The following GREB1 variants were observed in gnomAD, a reference collection of about 807,000 sequenced individuals.
The protein encoded by GREB1 is protein GREB1.
In GREB1, 106 loss-of-function variants were observed where a neutral mutation model predicts 200.7. That is an observed-to-expected ratio of 0.53 (90% CI 0.45 to 0.62). GREB1 has a LOEUF of 0.62. Among genes scored for constraint, GREB1 ranks in the 20% least tolerant of loss-of-function variants. The probability of loss-of-function intolerance (pLI) is 0.00; values close to 1 mark genes in which losing one functional copy is unlikely to be tolerated. For missense variants in GREB1, 2,243 were observed against 2,556.8 expected (o/e 0.88, Z 2.65); for synonymous variants, 1,132 against 1,092.4 (o/e 1.04, Z -0.72).
At chr2:11,609,084 G>A (rs558703837) in intron 17 of GREB1, among the ~76,000 whole-genome samples, 1 of 152,126 alleles carries the variant, frequency 6.6e-6, no homozygotes, top group Non-Finnish European at 1.5e-5. Flanking sequence ...GTATTGAAAT[G>A]CAGTTGTTTC....
chr2:11,597,792 G>T lies in GREB1; in HGVS notation c.1966G>T (p.Glu656Ter), dbSNP rs1681404835. Reference protein sequence around the residue: ...GTPVCTSYNLEPHSIRPFQLA... With the variant: ...GTPVCTSYNL ...GGCTCTGGTTCCAGGTTACAATCTG[G>T]AGCCACACAGCATCCGGCCCTTCCA... is the stretch of plus-strand genomic sequence containing the variant. Residue 656 changes from glutamate to a stop codon, truncating the protein, a stop_gained, in exon 14 of 33, where the codon GAG (glutamate) becomes TAG (stop). Coordinates refer to ENST00000381486, the MANE Select transcript of GREB1 (RefSeq NM_014668.4). LOFTEE classifies it high-confidence loss of function. This position sits in a 1 kb window ranked among gnomAD's most constrained non-coding sequence, Gnocchi z 4.1. 1.2e-6 allele frequency: 2 copies of T among 1,614,042 alleles called. No individual in the cohort carries two copies. The highest frequency in any genetic ancestry group is 1.7e-6 in the Non-Finnish European group (2 of 1,180,030).
At chr2:11,630,176 G>A (rs1684772923) in intron 26 of GREB1, 67 bp downstream of exon 26, 1 of 1,503,370 alleles carries the variant, frequency 6.7e-7, no homozygotes, top group African/African-American at 1.4e-5. Flanking sequence ...CCGGGGACTA[G>A]AGACAGAGCT....
rs557134932 is a variant in GREB1, at chr2:11,612,484, G to A, written c.3007-11G>A. On this transcript the variant is annotated splice_polypyrimidine_tract_variant and intron_variant, in intron 18 of 32. Transcript: ENST00000381486. The stretch of plus-strand genomic sequence containing the variant: ...GCGTCTGTGGCTTTATTTCTTTTTC[G>A]TTATCTGCAGATGTGGCAGAAAATT... The A allele has an allele frequency of 1.2e-4, 197 of 1,588,044 alleles. No homozygotes were observed. Among genetic ancestry groups the A allele is most frequent in the South Asian group, 1.0e-3 (93 of 90,476 alleles).
At chr2:11,564,389 G>T (rs1355027725) in intron 3 of GREB1, among the ~76,000 whole-genome samples, 1 of 152,126 alleles carries the variant, frequency 6.6e-6, no homozygotes, top group East Asian at 1.9e-4. Flanking sequence ...GGTAAGAGGT[G>T]AACTCTTCAG....
chr2:11,587,678 A>T (rs1680262989), intron 9 of GREB1: 1 of 1,299,804 alleles, frequency 7.7e-7, no homozygotes, highest in Non-Finnish European at 9.8e-7. Context: ...TAAATGGAGT[A>T]CCTGGAGTAC....
chr2:11,564,829 GA>G (rs1015551885), intron 3 of GREB1, among the ~76,000 whole-genome samples: 3 of 152,188 alleles, frequency 2.0e-5, no homozygotes, highest in African/African-American at 7.2e-5. Flanking sequence ...TGGTTTCCTA[GA>G]CCCACAGTTC....
At position 11,593,140 on chromosome 2, in the gene GREB1, C is replaced by G; in HGVS notation, c.1696+14C>G. ...TCGCCGTCACCGGTGAGCTCTGGGC[C>G]GCGCGGCTGCGGGAAAGCCCCCTGA... is the stretch of plus-strand genomic sequence containing the variant. On this transcript the variant is annotated intron_variant, in intron 11 of 32. Coordinates refer to ENST00000381486, the MANE Select transcript of GREB1 (RefSeq NM_014668.4). The G allele has an allele frequency of 6.5e-7, 1 of 1,535,322 alleles. No individual in the cohort carries two copies. Among genetic ancestry groups the G allele is most frequent in the Non-Finnish European group, 8.8e-7 (1 of 1,130,218 alleles).
At chr2:11,558,454 C>T (rs181959899) in intron 2 of GREB1, among the ~76,000 whole-genome samples, 120 of 152,260 alleles carry the variant, frequency 7.9e-4, no homozygotes, top group African/African-American at 1.4e-3. Context: ...TCCGGTGCTG[C>T]GGTTGAAGGT....
chr2:11,628,349 C>CAGAG (rs1432275897), intron 25 of GREB1, among the ~76,000 whole-genome samples: 3 of 152,126 alleles, frequency 2.0e-5, no homozygotes, highest in Non-Finnish European at 4.4e-5. Flanking sequence ...GGCTGGGGAG[C>CAGAG]AGAGGCATGT....
In GREB1 at chr2:11,615,090, G is replaced by T; in HGVS notation, c.3123-1G>T. ...AGACACCTTCTTCTGTGTCTTGCTA[G>T]GTCTTTGAGGTACTGTGACCTGCGA... On this transcript the variant is annotated splice_acceptor_variant, in intron 19 of 32. Coordinates refer to ENST00000381486, the MANE Select transcript of GREB1 (RefSeq NM_014668.4). LOFTEE classifies it high-confidence loss of function. 6.2e-7 allele frequency: 1 copy of T among 1,612,176 alleles called. No individual in the cohort carries two copies. The highest frequency in any genetic ancestry group is 8.5e-7 in the Non-Finnish European group (1 of 1,178,202).
Position 11,592,924 on chromosome 2 carries a change from C to CCTGGCTG in GREB1, c.1494_1495insCTGGCTG (p.Ala499LeufsTer108). ...CCAGCGCCGCGGCACCCGTGACCTC[C>CCTGGCTG]GCGCAGCTGCCCTGGCTGGCCAGCC... On this transcript the variant is annotated frameshift_variant, in exon 11 of 33. Coordinates refer to ENST00000381486, the MANE Select transcript of GREB1 (RefSeq NM_014668.4). LOFTEE classifies it high-confidence loss of function. The CCTGGCTG allele has an allele frequency of 6.3e-7, 1 of 1,583,784 alleles. No individual in the cohort carries two copies. The highest frequency in any genetic ancestry group is 8.6e-7 in the Non-Finnish European group (1 of 1,164,458).
In GREB1 at chr2:11,580,964, C is replaced by A; in HGVS notation, c.901+132C>A. 2 of 1,145,118 alleles carry A rather than the reference C, an allele frequency of 1.7e-6. No homozygotes were observed. The highest frequency in any genetic ancestry group is 2.6e-6 in the Non-Finnish European group (2 of 772,868). The allele number at this position is 1,145,118 out of a possible 1,614,324, so 70.9% of individuals were successfully genotyped here. On this transcript the variant is annotated intron_variant, in intron 7 of 32. Coordinates refer to ENST00000381486, the MANE Select transcript of GREB1 (RefSeq NM_014668.4). The surrounding 1 kb of genome is among the most constrained non-coding windows in gnomAD (Gnocchi z 4.5). ...TGATGTGGCTTCCATGAGAGTCAGG[C>A]CAGGACCACAGGTGCCTCCTGAGTC...
In GREB1 at chr2:11,619,643, C is replaced by T. The variant is rs140207832; in HGVS notation, c.4044+724C>T. Among the ~76,000 whole-genome samples the T allele has an allele frequency of 1.9e-3, 294 of 152,266 alleles. 2 individuals carry two copies. Among genetic ancestry groups the T allele is most frequent in the African/African-American group, 6.8e-3 (282 of 41,538 alleles). On this transcript the variant is annotated intron_variant, in intron 22 of 32. Coordinates refer to ENST00000381486, the MANE Select transcript of GREB1 (RefSeq NM_014668.4). ...TTGATGGGTGAAAAATAATACCTTA[C>T]GGTTTTACTAGTAAGGTTGACATAT...
At chr2:11,582,874 C>T (rs923511260) in intron 7 of GREB1, among the ~76,000 whole-genome samples, 3 of 152,194 alleles carry the variant, frequency 2.0e-5, no homozygotes, top group African/African-American at 7.2e-5. Context: ...CTCACTGGTT[C>T]GCAATGGAGA....
chr2:11,548,635 G>A lies in GREB1; in HGVS notation c.-161-7819G>A, dbSNP rs114856138. Among the ~76,000 whole-genome samples the A allele has an allele frequency of 0.024, 3,661 of 151,948 alleles. 160 individuals carry two copies. The highest frequency in any genetic ancestry group is 0.084 in the African/African-American group (3,474 of 41,392). On this transcript the variant is annotated intron_variant, in intron 1 of 32. Coordinates refer to ENST00000381486, the MANE Select transcript of GREB1 (RefSeq NM_014668.4). This position sits in a 1 kb window ranked among gnomAD's most constrained non-coding sequence, Gnocchi z 5.1. ...CTGTTGCCCTGTTTTCTTCTTGGAG[G>A]CCTCCTTCCTGGAGCCTTCTGTCCC...
At chr2:11,487,437 CAG>C (rs1255137990) in intron 1 of GREB1, among the ~76,000 whole-genome samples, 1 of 152,144 alleles carries the variant, frequency 6.6e-6, no homozygotes, top group East Asian at 1.9e-4. Flanking sequence ...TTCTTAGGAA[CAG>C]ATATTTATGT....
At chr2:11,614,125 ATTTT>A (rs34678522) in intron 19 of GREB1, among the ~76,000 whole-genome samples, 16,946 of 99,502 alleles carry the variant, frequency 0.17, 3,196 homozygotes, top group African/African-American at 0.45. Flanking sequence ...GCGGACTTAG[ATTTT>A]TTTTTTTTTT....
rs370594334 is a variant in GREB1 at position 11,587,469 on chromosome 2, G to C, written c.1160-1277G>C. On this transcript the variant is annotated intron_variant, in intron 9 of 32. Coordinates refer to ENST00000381486, the MANE Select transcript of GREB1 (RefSeq NM_014668.4). ...AGCTTATGAGAGGCGTGAATTCATG[G>C]ACCCATCCTGGAATCAGAATCAGGC... The C allele has an allele frequency of 2.5e-6, 4 of 1,612,550 alleles. No individual in the cohort carries two copies. The African/African-American group carries it at 5.3e-5, about 22-fold the overall frequency.
At chr2:11,570,439 A>G (rs937849234) in intron 4 of GREB1, among the ~76,000 whole-genome samples, 4 of 151,920 alleles carry the variant, frequency 2.6e-5, no homozygotes, top group African/African-American at 9.7e-5. Context: ...TTCATTAGAA[A>G]TCCAATACAA....
Sources: allele counts gnomAD v4.1 joint callset (sites outside exome capture counted in the v4.1 genomes callset), GRCh38; gene constraint gnomAD v4.1.1; non-coding constraint Gnocchi (gnomAD v3.1); transcripts MANE v1.5; gene names NCBI Gene and HGNC (gene_info 2026-07-23, HGNC 2026-07-21).